AKAP13: variants seen among roughly 807,000 people sequenced by gnomAD.
The protein encoded by AKAP13 is A-kinase anchor protein 13.
AKAP13 carries 80 observed loss-of-function variants against 264.5 expected under a neutral mutation model. The observed-to-expected ratio is 0.30, with a 90% CI of 0.25 to 0.36. AKAP13 has a LOEUF of 0.36. Ranked by LOEUF, AKAP13 falls within the 10% of genes least tolerant of loss-of-function variation. The probability of loss-of-function intolerance (pLI) is 1.00; values close to 1 mark genes in which losing one functional copy is unlikely to be tolerated. For synonymous variants in AKAP13, 1,380 were observed against 1,250.2 expected (o/e 1.10, Z -2.19); for missense variants, 3,712 against 3,435.2 (o/e 1.08, Z -2.01).
intron 1 of AKAP13, among the ~76,000 whole-genome samples, chr15:85,422,829 C>A (rs899140550): frequency 2.2e-4 from 33 of 152,180 alleles, no homozygotes; most frequent in African/African-American, 8.0e-4. Flanking sequence ...GTTGCATGGC[C>A]AGTATAGAAG....
intron 1 of AKAP13, among the ~76,000 whole-genome samples, chr15:85,399,535 A>AT (rs2071316972): frequency 2.3e-4 from 24 of 105,596 alleles, no homozygotes; most frequent in African/African-American, 6.9e-4. Context: ...AAAAAATAAA[A>AT]AAATAAATAA....
chr15:85,596,280 T>G (rs2079822927), intron 8 of AKAP13, among the ~76,000 whole-genome samples: 1 of 152,264 alleles, frequency 6.6e-6, no homozygotes, highest in Non-Finnish European at 1.5e-5. Context: ...CCTGACTGAG[T>G]CATTAGTATT....
At position 85,477,636 on chromosome 15, in the gene AKAP13, G is replaced by GA. The variant is rs1567077572; in HGVS notation, c.-11-8074_-11-8073insA. On this transcript the variant is annotated intron_variant, in intron 1 of 36. Transcript: ENST00000394518. ...GAAATTTGAACTGAGCTTAAAAAAA[G>GA]GAAAAAAAAAAAAAAAAAAAAAGGC... Among the ~76,000 whole-genome samples, 212 of 34,298 alleles carry GA rather than the reference G, an allele frequency of 6.2e-3. 6 individuals are homozygous for GA. Among genetic ancestry groups the GA allele is most frequent in the African/African-American group, 0.015 (155 of 10,436 alleles). 22.5% of individuals were successfully genotyped at this position (34,298 alleles called of 152,430 possible).
chr15:85,740,273 G>A lies in AKAP13; in HGVS notation c.7608+1G>A. The A allele has an allele frequency of 1.2e-6, 2 of 1,613,914 alleles. No individual in the cohort carries two copies. The highest frequency in any genetic ancestry group is 1.7e-6 in the Non-Finnish European group (2 of 1,179,850). On this transcript the variant is annotated splice_donor_variant, in intron 34 of 36. Coordinates refer to ENST00000394518, the MANE Select transcript of AKAP13 (RefSeq NM_007200.5). LOFTEE classifies it high-confidence loss of function. ...CTACGAGCTCCTCAGCGCTCTGCAGGTGCGTGCCTTCATCTTCCATCCCTG... is the reference window on the plus strand; with the variant it reads ...CTACGAGCTCCTCAGCGCTCTGCAGATGCGTGCCTTCATCTTCCATCCCTG...
chr15:85,391,593 T>A (rs1276406310), intron 1 of AKAP13, among the ~76,000 whole-genome samples: 1 of 150,680 alleles, frequency 6.6e-6, no homozygotes, highest in Non-Finnish European at 1.5e-5. Context: ...CAAGTGAGTC[T>A]CCCACCTTAG....
At chr15:85,649,159 C>T (rs1004694292) in intron 10 of AKAP13, among the ~76,000 whole-genome samples, 1 of 152,178 alleles carries the variant, frequency 6.6e-6, no homozygotes, top group Non-Finnish European at 1.5e-5. Flanking sequence ...CTCAATTTGT[C>T]TGCCCAGCAA....
Position 85,445,671 on chromosome 15 carries a change from A to G in AKAP13, c.-11-40039A>G, listed in dbSNP as rs59897966. On this transcript the variant is annotated intron_variant, in intron 1 of 36. Coordinates refer to ENST00000394518, the MANE Select transcript of AKAP13 (RefSeq NM_007200.5). The stretch of plus-strand genomic sequence containing the variant: ...TTACAAACTTGGAGAGAAAGATGCC[A>G]ACTGTCTGTGAAAAAAATCAGTCTG... 3.8e-3 allele frequency among the ~76,000 whole-genome samples: 579 copies of G among 151,686 alleles called. 25 individuals are homozygous for G. In the East Asian group the frequency reaches 0.092, roughly 24 times the overall value.
chr15:85,531,309 C>T (rs1470300950), intron 3 of AKAP13, among the ~76,000 whole-genome samples: 1 of 152,170 alleles, frequency 6.6e-6, no homozygotes, highest in South Asian at 2.1e-4. Flanking sequence ...CTCATTTTGA[C>T]TTCATTGCAG....
intron 2 of AKAP13, among the ~76,000 whole-genome samples, chr15:85,507,424 A>C (rs1262696544): frequency 6.6e-6 from 1 of 152,072 alleles, no homozygotes; most frequent in Non-Finnish European, 1.5e-5. Flanking sequence ...TTGCAGTAGT[A>C]ACCATATTTC....
At chr15:85,434,807 G>A (rs1288084995) in intron 1 of AKAP13, among the ~76,000 whole-genome samples, 22 of 149,750 alleles carry the variant, frequency 1.5e-4, no homozygotes, top group Admixed American at 3.3e-4. Flanking sequence ...CATCCACACC[G>A]AAAACCCATC....
Position 85,553,376 on chromosome 15 carries a change from C to T in AKAP13, c.662+9421C>T, listed in dbSNP as rs537794920. Among the ~76,000 whole-genome samples, 27 of 152,236 alleles carry T rather than the reference C, an allele frequency of 1.8e-4. No homozygotes were observed. In the South Asian group the frequency reaches 5.4e-3, roughly 30 times the overall value. On this transcript the variant is annotated intron_variant, in intron 5 of 36. Transcript: ENST00000394518. ...GTGCTGGGATTACAGGCATGAGCCACCGTGCCTGGCCTAACATCTGTAATT... is the reference window on the plus strand; with the variant it reads ...GTGCTGGGATTACAGGCATGAGCCATCGTGCCTGGCCTAACATCTGTAATT...
intron 17 of AKAP13, among the ~76,000 whole-genome samples, chr15:85,706,930 C>T (rs2086306668): frequency 6.6e-6 from 1 of 152,166 alleles, no homozygotes; most frequent in Admixed American, 6.5e-5. Flanking sequence ...TTCTGGTTTC[C>T]TTCCCTCCCC....
intron 1 of AKAP13, among the ~76,000 whole-genome samples, chr15:85,407,388 T>C (rs1229209605): frequency 6.6e-6 from 1 of 151,538 alleles, no homozygotes; most frequent in Non-Finnish European, 1.5e-5. Context: ...CTGCCATGCC[T>C]GGCTAATTTT....
chr15:85,644,324 T>C (rs1286262122), intron 9 of AKAP13, among the ~76,000 whole-genome samples: 1 of 151,422 alleles, frequency 6.6e-6, no homozygotes, highest in Non-Finnish European at 1.5e-5. Context: ...CACTGCAGTC[T>C]CCGCTTCCCG....
chr15:85,417,922 T>C (rs1346913973), intron 1 of AKAP13, among the ~76,000 whole-genome samples: 2 of 152,180 alleles, frequency 1.3e-5, no homozygotes, highest in Non-Finnish European at 2.9e-5. Flanking sequence ...TAAAATTTCC[T>C]AGTTGCTACA....
chr15:85,570,323 C>T (rs369977847), intron 5 of AKAP13, among the ~76,000 whole-genome samples: 132 of 151,514 alleles, frequency 8.7e-4, no homozygotes, highest in Admixed American at 3.0e-3. Flanking sequence ...TGGTGGCACA[C>T]GCCCTGTAAT....
intron 16 of AKAP13, chr15:85,685,482 G>GTGTGTC (rs1202009070): frequency 4.7e-5 from 7 of 148,122 alleles, no homozygotes; most frequent in Admixed American, 3.4e-4. Flanking sequence ...GTGTGTGTGT[G>GTGTGTC]TGTGTGTCTG....
At chr15:85,729,213 C>G (rs977149419) in intron 29 of AKAP13, among the ~76,000 whole-genome samples, 1 of 151,862 alleles carries the variant, frequency 6.6e-6, no homozygotes. Context: ...GCAGGAGAAT[C>G]GCTTGAACCC....
At chr15:85,590,692 A>G (rs1026974190) in intron 8 of AKAP13, among the ~76,000 whole-genome samples, 57 of 152,298 alleles carry the variant, frequency 3.7e-4, no homozygotes, top group African/African-American at 1.2e-3. Context: ...ATTGTGGTTT[A>G]TTCCCATTAA....
Sources: allele counts gnomAD v4.1 joint callset (sites outside exome capture counted in the v4.1 genomes callset), GRCh38; gene constraint gnomAD v4.1.1; transcripts MANE v1.5; gene names NCBI Gene and HGNC (gene_info 2026-07-23, HGNC 2026-07-21).